CNTNAP2: variants seen among roughly 807,000 people sequenced by gnomAD.
CNTNAP2 encodes contactin-associated protein-like 2.
A neutral mutation model predicts 155.2 loss-of-function variants in CNTNAP2; 98 were observed. That is an observed-to-expected ratio of 0.63 (90% CI 0.54 to 0.75). The LOEUF (loss-of-function observed/expected upper bound fraction) is 0.75, where lower values mean the gene tolerates loss of function less well. Ranked by LOEUF, CNTNAP2 falls within the 30% of genes least tolerant of loss-of-function variation. The probability of loss-of-function intolerance (pLI) is 0.00; values close to 1 mark genes in which losing one functional copy is unlikely to be tolerated. For missense variants in CNTNAP2, 1,727 were observed against 1,688.1 expected (o/e 1.02, Z -0.40); for synonymous variants, 651 against 631.2 (o/e 1.03, Z -0.47).
chr7:146,730,440 A>G lies in CNTNAP2; in HGVS notation c.98-43831A>G, dbSNP rs186688915. 2.1e-3 allele frequency among the ~76,000 whole-genome samples: 314 copies of G among 152,280 alleles called. 3 individuals carry two copies. Among genetic ancestry groups the G allele is most frequent in the Middle Eastern group, 0.017 (5 of 294 alleles). ...TGTACACATCCAATAAATGTCCACA[A>G]TATAATTGAACAGAATTGAGATCAT... On this transcript the variant is annotated intron_variant, in intron 1 of 23. Coordinates refer to ENST00000361727, the MANE Select transcript of CNTNAP2 (RefSeq NM_014141.6).
chr7:146,494,828 T>C (rs1797190382), intron 1 of CNTNAP2, among the ~76,000 whole-genome samples: 1 of 152,250 alleles, frequency 6.6e-6, no homozygotes, highest in South Asian at 2.1e-4. Flanking sequence ...TATTTGTTTT[T>C]ATTTTCCCTT....
intron 1 of CNTNAP2, among the ~76,000 whole-genome samples, chr7:146,164,220 C>T (rs919284608): frequency 1.3e-5 from 2 of 151,954 alleles, no homozygotes; most frequent in Non-Finnish European, 2.9e-5. Context: ...AATGCAGTAA[C>T]ATTTGCCCTA....
intron 13 of CNTNAP2, among the ~76,000 whole-genome samples, chr7:147,877,003 T>G (rs1799431874): frequency 1.3e-5 from 2 of 151,990 alleles, no homozygotes; most frequent in Admixed American, 1.3e-4. Context: ...GGATGCAAAT[T>G]GATAGCAGGA....
At chr7:146,337,375 C>T (rs1032946100) in intron 1 of CNTNAP2, among the ~76,000 whole-genome samples, 1 of 151,638 alleles carries the variant, frequency 6.6e-6, no homozygotes, top group African/African-American at 2.4e-5. Context: ...TGAGAAAGGG[C>T]TAGATCCTAA....
intron 1 of CNTNAP2, among the ~76,000 whole-genome samples, chr7:146,728,885 C>G (rs375618277): frequency 6.6e-6 from 1 of 152,048 alleles, no homozygotes; most frequent in African/African-American, 2.4e-5. Context: ...AGTGCCAGGT[C>G]GTCGTTCTCA....
At chr7:147,314,188 A>T (rs1795182469) in intron 9 of CNTNAP2, among the ~76,000 whole-genome samples, 1 of 152,164 alleles carries the variant, frequency 6.6e-6, no homozygotes, top group Non-Finnish European at 1.5e-5. Context: ...ATGGTTGAAT[A>T]TCTAATGGGA....
At chr7:147,867,400 C>A (rs756111206) in intron 13 of CNTNAP2, among the ~76,000 whole-genome samples, 9 of 152,054 alleles carry the variant, frequency 5.9e-5, no homozygotes, top group Non-Finnish European at 1.0e-4. Context: ...TCATTTCAAC[C>A]TTGGTGAATC....
At chr7:147,646,878 T>C (rs1795373936) in intron 13 of CNTNAP2, among the ~76,000 whole-genome samples, 1 of 152,152 alleles carries the variant, frequency 6.6e-6, no homozygotes, top group South Asian at 2.1e-4. Context: ...TAATGCCTTC[T>C]TAAGATGACT....
At chr7:148,191,248 C>T (rs1795199189) in intron 18 of CNTNAP2, among the ~76,000 whole-genome samples, 1 of 151,818 alleles carries the variant, frequency 6.6e-6, no homozygotes, top group Non-Finnish European at 1.5e-5. Flanking sequence ...CCCTTTTGTG[C>T]ACTCTTGCTC....
chr7:147,318,876 A>G (rs975992989), intron 9 of CNTNAP2, among the ~76,000 whole-genome samples: 1 of 152,108 alleles, frequency 6.6e-6, no homozygotes, highest in African/African-American at 2.4e-5. Context: ...ACAGGAGAAA[A>G]ATGTTTACTT....
At chr7:146,844,145 A>T (rs1441459589) in intron 3 of CNTNAP2, among the ~76,000 whole-genome samples, 1 of 152,122 alleles carries the variant, frequency 6.6e-6, no homozygotes, top group Non-Finnish European at 1.5e-5. Context: ...ATAAGCAAAG[A>T]ACAAGTCATA....
chr7:147,004,936 T>C (rs756585569), intron 3 of CNTNAP2, among the ~76,000 whole-genome samples: 4 of 152,034 alleles, frequency 2.6e-5, no homozygotes, highest in Admixed American at 6.6e-5. Context: ...CAGTGATAAA[T>C]GTATAAAGTT....
At chr7:147,423,354 C>A (rs920666111) in intron 10 of CNTNAP2, among the ~76,000 whole-genome samples, 3 of 152,022 alleles carry the variant, frequency 2.0e-5, no homozygotes, top group African/African-American at 7.2e-5. Context: ...AATTTATATG[C>A]CCAAAGAAAA....
chr7:148,139,185 C>T (rs1805013699), intron 16 of CNTNAP2, among the ~76,000 whole-genome samples: 1 of 152,124 alleles, frequency 6.6e-6, no homozygotes, highest in African/African-American at 2.4e-5. Flanking sequence ...CAGGCATTTC[C>T]TTGAAGAATT....
At chr7:147,101,814 G>A (rs529902155) in intron 4 of CNTNAP2, among the ~76,000 whole-genome samples, 9 of 152,156 alleles carry the variant, frequency 5.9e-5, no homozygotes, top group East Asian at 1.9e-4. Flanking sequence ...TCTACTGCTC[G>A]TCTGTTCATG....
intron 1 of CNTNAP2, among the ~76,000 whole-genome samples, chr7:146,301,883 T>C (rs1311120315): frequency 6.6e-6 from 1 of 152,140 alleles, no homozygotes; most frequent in Non-Finnish European, 1.5e-5. Context: ...TCTTGTCAAC[T>C]AATGAAAGAG....
chr7:147,885,503 T>C (rs985510802), intron 13 of CNTNAP2, among the ~76,000 whole-genome samples: 1 of 152,152 alleles, frequency 6.6e-6, no homozygotes. Context: ...ACAGATTCAT[T>C]CAGAACTCCA....
intron 13 of CNTNAP2, among the ~76,000 whole-genome samples, chr7:147,694,889 C>T (rs957753294): frequency 6.6e-6 from 1 of 152,036 alleles, no homozygotes; most frequent in Admixed American, 6.6e-5. Flanking sequence ...AATTAATTTA[C>T]TCTTCTTTCT....
intron 15 of CNTNAP2, among the ~76,000 whole-genome samples, chr7:148,064,142 A>G (rs900851609): frequency 4.6e-5 from 7 of 152,116 alleles, no homozygotes; most frequent in African/African-American, 1.4e-4. Context: ...GCCTTATAGT[A>G]TAGCTTGAAG....
Sources: allele counts gnomAD v4.1 joint callset (sites outside exome capture counted in the v4.1 genomes callset), GRCh38; gene constraint gnomAD v4.1.1; transcripts MANE v1.5; gene names NCBI Gene and HGNC (gene_info 2026-07-23, HGNC 2026-07-21).